Variants in KIAA1614 observed in about 807,000 individuals in gnomAD.
The protein encoded by KIAA1614 is uncharacterized protein KIAA1614.
Under a neutral mutation model 88.7 loss-of-function variants are expected in KIAA1614, and 76 were observed. The observed-to-expected ratio is 0.86, with a 90% CI of 0.71 to 1.04. The LOEUF is 1.04. Ranked by LOEUF, KIAA1614 falls within the 50% of genes least tolerant of loss-of-function variation. KIAA1614 has a pLI of 0.00. For synonymous variants in KIAA1614, 714 were observed against 675.5 expected (o/e 1.06, Z -0.88); for missense variants, 1,553 against 1,582.5 (o/e 0.98, Z 0.32).
In KIAA1614 at chr1:180,950,573, G is replaced by A. The variant is rs1008453514; in HGVS notation, c.*4985G>A. ...TGCCCTCACTGTCACGGCCTCGGAA[G>A]CCCTGAAGCACTCAGGGTGGTTGGC... On this transcript the variant is annotated 3_prime_UTR_variant, in exon 9 of 9. Transcript: ENST00000367588. 23 of 1,060,050 alleles carry A rather than the reference G, an allele frequency of 2.2e-5. No individual in the cohort carries two copies. The Admixed American group carries it at 2.6e-4, about 12-fold the overall frequency. The allele number at this position is 1,060,050 out of a possible 1,614,324, so 65.7% of individuals were successfully genotyped here.
chr1:180,942,636 G>C (rs1339889693), intron 7 of KIAA1614, among the ~76,000 whole-genome samples: 1 of 152,220 alleles, frequency 6.6e-6, no homozygotes, highest in Non-Finnish European at 1.5e-5. Context: ...GCGGTGACTT[G>C]TGCTCGGGAA....
intron 3 of KIAA1614, among the ~76,000 whole-genome samples, chr1:180,921,863 C>T (rs1446437702): frequency 2.6e-5 from 4 of 152,202 alleles, no homozygotes; most frequent in African/African-American, 7.2e-5. Flanking sequence ...TAGGGGGCCG[C>T]GCTCAGGCTC....
At position 180,916,184 on chromosome 1, in the gene KIAA1614, C is replaced by A; in HGVS notation, c.81C>A (p.Ser27Arg). The A allele has an allele frequency of 6.3e-7, 1 of 1,586,008 alleles. No homozygotes were observed. Residue 27 changes from serine to arginine, a missense_variant, in exon 2 of 9, where the codon AGC (serine) becomes AGA (arginine). Physicochemically the swap from Ser to Arg is moderately radical, Grantham distance 110. Transcript: ENST00000367588. ...CCAAGACAGGGAGTGGAACAGCCAG[C>A]CCCGTGGAGGGGACCTCAGCTGTGG... ...QGPKTGSGTA[S>R]PVEGTSAVEW...
chr1:180,943,692 C>T (rs1654523045), intron 7 of KIAA1614, among the ~76,000 whole-genome samples: 1 of 151,598 alleles, frequency 6.6e-6, no homozygotes, highest in Non-Finnish European at 1.5e-5. Context: ...GGATTACAGG[C>T]ACCCGCCACC....
In KIAA1614 at chr1:180,941,212, T is replaced by C. The variant is rs563320562; in HGVS notation, c.3086T>C (p.Val1029Ala). The C allele has an allele frequency of 1.2e-6, 2 of 1,613,826 alleles. No individual in the cohort carries two copies. Among genetic ancestry groups the C allele is most frequent in the South Asian group, 2.2e-5 (2 of 91,074 alleles). ...CTGGGCAAGTCCCGCAGCTACAGTG[T>C]GGAGCAGTTGCAGCCCGCCCCGCCT... The part of the protein sequence containing the change: ...PKLGKSRSYS[V>A]EQLQPAPPGL... Residue 1029 changes from valine (V) to alanine (A), a missense_variant, in exon 7 of 9, where the codon GTG becomes GCG. Val to Ala is a moderately conservative substitution (Grantham distance 64). Coordinates refer to ENST00000367588, the MANE Select transcript of KIAA1614 (RefSeq NM_020950.2).
chr1:180,941,362 G>T, intron 7 of KIAA1614, 77 bp downstream of exon 7: 1 of 1,518,076 alleles, frequency 6.6e-7, no homozygotes, highest in Non-Finnish European at 8.9e-7. Flanking sequence ...GTGAAAGGAG[G>T]GAGGAGGTGA....
At position 180,935,648 on chromosome 1, in the gene KIAA1614, TCCGGCTCCTTCCTGCAGAGCC is replaced by T. The variant is rs1654313959; in HGVS notation, c.1748_1768del (p.Leu583_Leu589del). On this transcript the variant is annotated inframe_deletion, in exon 5 of 9. Coordinates refer to ENST00000367588, the MANE Select transcript of KIAA1614 (RefSeq NM_020950.2). The surrounding 1 kb of genome is among the most constrained non-coding windows in gnomAD (Gnocchi z 6.1). ...GTGCTGGGTGGCCTGAGCTCCCCAC[TCCGGCTCCTTCCTGCAGAGCC>T]CCGGCTCCACATGGAATGGATCCGG... 5 of 1,612,342 alleles carry T rather than the reference TCCGGCTCCTTCCTGCAGAGCC, an allele frequency of 3.1e-6. No individual in the cohort carries two copies. Among genetic ancestry groups the T allele is most frequent in the Non-Finnish European group, 4.2e-6 (5 of 1,179,528 alleles).
intron 4 of KIAA1614, among the ~76,000 whole-genome samples, chr1:180,931,973 T>C (rs1432351203): frequency 2.0e-5 from 3 of 152,114 alleles, no homozygotes; most frequent in Non-Finnish European, 4.4e-5. Context: ...TGCAGTGGGC[T>C]AGGCTGTTTC....
intron 6 of KIAA1614, 60 bp downstream of exon 6, chr1:180,938,771 G>A: frequency 6.5e-7 from 1 of 1,532,694 alleles, no homozygotes; most frequent in Non-Finnish European, 9.0e-7. Flanking sequence ...GCTCTGGGAG[G>A]GGACAGAGAC....
rs1445956610 is a variant in KIAA1614, at chr1:180,917,981, T to A, written c.1061+67T>A. The stretch of plus-strand genomic sequence containing the variant: ...CCATGGTCCCTCTATTTACTCAGCA[T>A]CAGGACAGTAAGAGACCTCCCAAAG... On this transcript the variant is annotated intron_variant, in intron 3 of 8. Coordinates refer to ENST00000367588, the MANE Select transcript of KIAA1614 (RefSeq NM_020950.2). 4.3e-6 allele frequency: 6 copies of A among 1,386,672 alleles called. No individual in the cohort carries two copies. In the African/African-American group the frequency reaches 8.5e-5, roughly 20 times the overall value. The allele number at this position is 1,386,672 out of a possible 1,614,324, so 85.9% of individuals were successfully genotyped here.
At chr1:180,937,328 G>T (rs763375058) in intron 5 of KIAA1614, among the ~76,000 whole-genome samples, 3 of 152,240 alleles carry the variant, frequency 2.0e-5, no homozygotes, top group Non-Finnish European at 4.4e-5. Flanking sequence ...AGGGCTCCTA[G>T]GTGGTGTGCT....
intron 7 of KIAA1614, 123 bp downstream of exon 7, chr1:180,941,408 C>T (rs567816308): frequency 1.5e-4 from 188 of 1,216,748 alleles, no homozygotes; most frequent in African/African-American, 2.6e-4. Context: ...AGTAGGGAGA[C>T]GGAAGCTGCT....
Position 180,945,630 on chromosome 1 carries a change from A to G in KIAA1614, c.*42A>G, listed in dbSNP as rs779776792. ...AATTCAGAAAGCCTCTGACTACAGGACTAGGCTTCTCCCCTCAGGGGCTCT... is the reference window on the plus strand; with the variant it reads ...AATTCAGAAAGCCTCTGACTACAGGGCTAGGCTTCTCCCCTCAGGGGCTCT... On this transcript the variant is annotated 3_prime_UTR_variant, in exon 9 of 9. Coordinates refer to ENST00000367588, the MANE Select transcript of KIAA1614 (RefSeq NM_020950.2). 1.3e-6 allele frequency: 2 copies of G among 1,544,558 alleles called. No individual in the cohort carries two copies. Among genetic ancestry groups the G allele is most frequent in the Admixed American group, 2.3e-5 (1 of 43,630 alleles).
intron 7 of KIAA1614, among the ~76,000 whole-genome samples, chr1:180,941,711 T>C (rs1310917881): frequency 6.6e-6 from 1 of 152,114 alleles, no homozygotes; most frequent in Non-Finnish European, 1.5e-5. Context: ...GCTTCCAGAG[T>C]GGTCCTTCTG....
Position 180,935,980 on chromosome 1 carries a change from G to A in KIAA1614, c.2071G>A (p.Glu691Lys), listed in dbSNP as rs749079647. Residue 691 changes from glutamate (E) to lysine (K), a missense_variant, in exon 5 of 9, where the codon GAG (glutamate) becomes AAG (lysine). Transcript: ENST00000367588. This position sits in a 1 kb window ranked among gnomAD's most constrained non-coding sequence, Gnocchi z 6.1. ...DDVEVENEVKEGRGHTPEGTL... is the reference protein window; with the variant it reads ...DDVEVENEVKKGRGHTPEGTL... Reference sequence around the variant, plus strand: ...TGTGGAGGTGGAAAATGAGGTGAAAGAGGGCAGAGGACACACGCCTGAAGG... The same window carrying A: ...TGTGGAGGTGGAAAATGAGGTGAAAAAGGGCAGAGGACACACGCCTGAAGG... The A allele has an allele frequency of 6.2e-6, 10 of 1,613,960 alleles. No homozygotes were observed. The highest frequency in any genetic ancestry group is 8.5e-6 in the Non-Finnish European group (10 of 1,179,930).
intron 6 of KIAA1614, among the ~76,000 whole-genome samples, 173 bp from the exon 7 acceptor site, chr1:180,940,872 C>T (rs924168671): frequency 3.9e-5 from 6 of 152,040 alleles, no homozygotes; most frequent in East Asian, 1.9e-4. Context: ...CCACCACACC[C>T]GGCTTCCACT....
At chr1:180,923,425 A>G (rs530387707) in intron 3 of KIAA1614, among the ~76,000 whole-genome samples, 1 of 152,204 alleles carries the variant, frequency 6.6e-6, no homozygotes, top group Admixed American at 6.5e-5. Flanking sequence ...GCTGTGTGCC[A>G]GGTGCCAGGA....
intron 7 of KIAA1614, 58 bp from the exon 8 acceptor site, chr1:180,944,331 T>C: frequency 4.4e-6 from 7 of 1,589,568 alleles, no homozygotes; most frequent in Non-Finnish European, 4.3e-6. Flanking sequence ...GGCCAAGTCC[T>C]CTGTCAGCAC....
At chr1:180,931,230 G>A (rs1369542294) in intron 4 of KIAA1614, among the ~76,000 whole-genome samples, 1 of 152,250 alleles carries the variant, frequency 6.6e-6, no homozygotes, top group Non-Finnish European at 1.5e-5. Flanking sequence ...GATGGCAGGA[G>A]GACAGGACAT....
Sources: allele counts gnomAD v4.1 joint callset (sites outside exome capture counted in the v4.1 genomes callset), GRCh38; gene constraint gnomAD v4.1.1; non-coding constraint Gnocchi (gnomAD v3.1); transcripts MANE v1.5; gene names NCBI Gene and HGNC (gene_info 2026-07-23, HGNC 2026-07-21).